RCAN3: variants seen among roughly 807,000 people sequenced by gnomAD.
RCAN3 encodes regulator of calcineurin 3.
RCAN3 carries 19 observed loss-of-function variants against 21.9 expected under a neutral mutation model. The ratio of observed to expected loss-of-function variants is 0.87; its 90% confidence interval spans 0.61 to 1.27. The LOEUF (loss-of-function observed/expected upper bound fraction) is 1.27, where lower values mean the gene tolerates loss of function less well. Ranked by LOEUF, RCAN3 falls within the 50% of genes most tolerant of loss-of-function variation. The probability of loss-of-function intolerance (pLI) is 0.00; values close to 1 mark genes in which losing one functional copy is unlikely to be tolerated. For synonymous variants in RCAN3, 114 were observed against 112.3 expected, an observed-to-expected ratio of 1.01 and a Z score of -0.09; for missense variants, 240 against 300.1, an observed-to-expected ratio of 0.80 and a Z score of 1.48.
chr1:24,518,717 C>T (rs368972461), intron 2 of RCAN3, among the ~76,000 whole-genome samples: 3 of 152,148 alleles, frequency 2.0e-5, no homozygotes, highest in Non-Finnish European at 2.9e-5. Flanking sequence ...CTCAGCCTCT[C>T]GAGTAGCTGG....
chr1:24,507,332 A>G (rs1021741817), intron 1 of RCAN3, among the ~76,000 whole-genome samples: 5 of 152,132 alleles, frequency 3.3e-5, no homozygotes, highest in African/African-American at 1.2e-4. Flanking sequence ...AATTCTGTTC[A>G]TCCTTGAAGT....
Position 24,531,307 on chromosome 1 carries a change from C to T in RCAN3, c.285C>T (p.Ser95=), listed in dbSNP as rs1649740280. Reference sequence around the variant, plus strand: ...TTAGAAGAGTCAGAATAAATTTCAGCAAACCTGAAGCGGCAGCAAGAGCGC... The same window carrying T: ...TTAGAAGAGTCAGAATAAATTTCAGTAAACCTGAAGCGGCAGCAAGAGCGC... ...KSFRRVRINF[S]KPEAAARARI... The change falls in exon 3 of 5, where the codon AGC becomes AGT. Residue 95 remains serine, a synonymous_variant. Coordinates refer to ENST00000374395, the MANE Select transcript of RCAN3 (RefSeq NM_013441.4). 1 of 1,613,770 alleles carries T rather than the reference C, an allele frequency of 6.2e-7. No individual in the cohort carries two copies. The highest frequency in any genetic ancestry group is 8.5e-7 in the Non-Finnish European group (1 of 1,179,834).
chr1:24,521,875 T>A (rs958918383), intron 2 of RCAN3, among the ~76,000 whole-genome samples: 6 of 150,608 alleles, frequency 4.0e-5, no homozygotes, highest in African/African-American at 1.5e-4. Flanking sequence ...AAAAATTTTT[T>A]TAAAAAAGAA....
At chr1:24,515,326 T>C (rs766611108) in intron 2 of RCAN3, among the ~76,000 whole-genome samples, 2 of 152,160 alleles carry the variant, frequency 1.3e-5, no homozygotes, top group Non-Finnish European at 2.9e-5. Context: ...CGTAACAAAA[T>C]TGTTCACGTT....
rs543103091 is a variant in RCAN3 at position 24,519,290 on chromosome 1, G to A, written c.195+4723G>A. Among the ~76,000 whole-genome samples the A allele has an allele frequency of 3.4e-4, 52 of 150,872 alleles. 1 individual carries two copies. Among genetic ancestry groups the A allele is most frequent in the East Asian group, 5.9e-4 (3 of 5,112 alleles). ...TGGTCTCAAACTCCTGGGCTCAAGC[G>A]ATCCTCCTACCTCTGCCTCTCAAAG... On this transcript the variant is annotated intron_variant, in intron 2 of 4. Transcript: ENST00000374395.
At chr1:24,522,508 C>T (rs1318699743) in intron 2 of RCAN3, among the ~76,000 whole-genome samples, 1 of 152,238 alleles carries the variant, frequency 6.6e-6, no homozygotes, top group African/African-American at 2.4e-5. Context: ...CAGGTTCTTA[C>T]TGGCTCCCCA....
At chr1:24,516,837 C>T (rs575134071) in intron 2 of RCAN3, among the ~76,000 whole-genome samples, 1 of 152,256 alleles carries the variant, frequency 6.6e-6, no homozygotes, top group South Asian at 2.1e-4. Context: ...GGGCTGCACT[C>T]GCCAACTTTG....
At chr1:24,512,166 A>T (rs1647943666) in intron 1 of RCAN3, among the ~76,000 whole-genome samples, 1 of 152,056 alleles carries the variant, frequency 6.6e-6, no homozygotes, top group Non-Finnish European at 1.5e-5. Context: ...CCTGGCCAAC[A>T]TGTGAAACCC....
intron 2 of RCAN3, among the ~76,000 whole-genome samples, chr1:24,518,315 G>A (rs196407): frequency 0.14 from 20,659 of 152,102 alleles, 1,659 homozygotes; most frequent in East Asian, 0.26. Context: ...ATTAGATTTT[G>A]GCTCTATGTT....
intron 2 of RCAN3, among the ~76,000 whole-genome samples, chr1:24,530,238 C>T (rs1011960414): frequency 6.6e-6 from 1 of 150,880 alleles, no homozygotes; most frequent in Non-Finnish European, 1.5e-5. Flanking sequence ...GCCTATAGTC[C>T]CAGCTACCCA....
intron 3 of RCAN3, among the ~76,000 whole-genome samples, 200 bp downstream of exon 3, chr1:24,531,591 A>AC (rs150693874): frequency 0.07 from 10,643 of 152,080 alleles, 1,161 homozygotes; most frequent in African/African-American, 0.23. Context: ...TTACCTCCTA[A>AC]GTTGTTTTGC....
At chr1:24,529,242 AC>A (rs1241947979) in intron 2 of RCAN3, among the ~76,000 whole-genome samples, 8 of 151,908 alleles carry the variant, frequency 5.3e-5, no homozygotes, top group African/African-American at 1.9e-4. Context: ...CTGTGTCTGT[AC>A]AAAAATAAAA....
intron 1 of RCAN3, among the ~76,000 whole-genome samples, chr1:24,505,232 CTTTTTTTTTT>C (rs796980559): frequency 7.6e-5 from 5 of 65,708 alleles, no homozygotes; most frequent in African/African-American, 2.4e-4. Flanking sequence ...TCTCTTTTTT[CTTTTTTTTTT>C]TTTTTTTTTT....
rs956024620 is a variant in RCAN3 at position 24,537,230 on chromosome 1, A to G, written c.*1953A>G. ...ATATTCTATTCCTAACACATAAAAC[A>G]TTTTACAGTCAAGCAGTGCAAATTA... On this transcript the variant is annotated 3_prime_UTR_variant, in exon 5 of 5. Transcript: ENST00000374395. 1 of 151,368 alleles carries G rather than the reference A, an allele frequency of 6.6e-6. No individual in the cohort carries two copies. The highest frequency in any genetic ancestry group is 1.5e-5 in the Non-Finnish European group (1 of 67,934). The allele number at this position is 151,368 out of a possible 1,614,324, so 9.4% of individuals were successfully genotyped here.
At chr1:24,519,680 C>T (rs1648637453) in intron 2 of RCAN3, among the ~76,000 whole-genome samples, 1 of 152,204 alleles carries the variant, frequency 6.6e-6, no homozygotes, top group African/African-American at 2.4e-5. Context: ...TGCTGTCCTG[C>T]TCTGTGATGG....
At position 24,537,137 on chromosome 1, in the gene RCAN3, T is replaced by C. The variant is rs1650278903; in HGVS notation, c.*1860T>C. On this transcript the variant is annotated 3_prime_UTR_variant, in exon 5 of 5. Coordinates refer to ENST00000374395, the MANE Select transcript of RCAN3 (RefSeq NM_013441.4). ...GTAATATTGATTCACTGTAATTTTC[T>C]AAGTGATCAAAACCCATGAGATTTT... The C allele has an allele frequency of 6.6e-6, 1 of 152,206 alleles. No homozygotes were observed. The allele number at this position is 152,206 out of a possible 1,614,324, so 9.4% of individuals were successfully genotyped here. A position where few individuals can be genotyped will look rare whatever the true frequency, so the allele number is the denominator to read the frequency against.
In RCAN3 at chr1:24,538,380, ATATTTTT is replaced by A. The variant is rs1198086504; in HGVS notation, c.*3118_*3124del. On this transcript the variant is annotated 3_prime_UTR_variant, in exon 5 of 5. Coordinates refer to ENST00000374395, the MANE Select transcript of RCAN3 (RefSeq NM_013441.4). ...AGTTCAACATAAAGGTTTAAATAAA[ATATTTTT>A]TATTTTTTATTTTTATTTATTTATT... is the stretch of plus-strand genomic sequence containing the variant. 2.0e-5 allele frequency: 3 copies of A among 151,828 alleles called. No individual in the cohort carries two copies. Among genetic ancestry groups the A allele is most frequent in the Non-Finnish European group, 4.4e-5 (3 of 67,976 alleles). The allele number at this position is 151,828 out of a possible 1,614,324, so 9.4% of individuals were successfully genotyped here.
chr1:24,512,964 G>A (rs566924558), intron 1 of RCAN3, among the ~76,000 whole-genome samples: 22 of 152,304 alleles, frequency 1.4e-4, no homozygotes, highest in Middle Eastern at 3.4e-3. Flanking sequence ...GGGACCAGGC[G>A]CGGTGGCTCA....
rs1343224662 is a variant in RCAN3, at chr1:24,538,390, TTTTTTA to T, written c.*3123_*3128del. On this transcript the variant is annotated 3_prime_UTR_variant, in exon 5 of 5. Coordinates refer to ENST00000374395, the MANE Select transcript of RCAN3 (RefSeq NM_013441.4). ...AAAGGTTTAAATAAAATATTTTTTATTTTTTATTTTTATTTATTTATTTATTTATTT... is the reference window on the plus strand; with the variant it reads ...AAAGGTTTAAATAAAATATTTTTTATTTTTTATTTATTTATTTATTTATTT... 1 of 151,728 alleles carries T rather than the reference TTTTTTA, an allele frequency of 6.6e-6. No homozygotes were observed. Among genetic ancestry groups the T allele is most frequent in the African/African-American group, 2.4e-5 (1 of 41,372 alleles). The allele number at this position is 151,728 out of a possible 1,614,324, so 9.4% of individuals were successfully genotyped here.
Sources: allele counts gnomAD v4.1 joint callset (sites outside exome capture counted in the v4.1 genomes callset), GRCh38; gene constraint gnomAD v4.1.1; transcripts MANE v1.5; gene names NCBI Gene and HGNC (gene_info 2026-07-23, HGNC 2026-07-21).